IDO2: variants seen among roughly 807,000 people sequenced by gnomAD.
IDO2 encodes indoleamine 2,3-dioxygenase-like 1 protein.
In IDO2, 46 loss-of-function variants were observed where a neutral mutation model predicts 45.1. That is an observed-to-expected ratio of 1.02 (90% CI 0.80 to 1.30). The LOEUF (loss-of-function observed/expected upper bound fraction) is 1.30, where lower values mean the gene tolerates loss of function less well. Among genes scored for constraint, IDO2 ranks in the 50% most tolerant of loss-of-function variants. The pLI, the probability that IDO2 is intolerant of heterozygous loss-of-function variation, is 0.00. For synonymous variants in IDO2, 218 were observed against 184.9 expected (o/e 1.18, Z -1.45); for missense variants, 544 against 491.8 (o/e 1.11, Z -1.00).
At chr8:40,003,771 G>T (rs1249657229) in intron 8 of IDO2, among the ~76,000 whole-genome samples, 1 of 151,986 alleles carries the variant, frequency 6.6e-6, no homozygotes. Flanking sequence ...TTCTAACACA[G>T]TATTGAGTGG....
At chr8:39,982,626 T>G (rs759844479) in intron 4 of IDO2, 26 bp from the exon 5 acceptor site, 6 of 1,425,856 alleles carry the variant, frequency 4.2e-6, no homozygotes, top group Non-Finnish European at 5.9e-6. Flanking sequence ...TAGAATATGC[T>G]ATTTGTCTGG....
intron 8 of IDO2, among the ~76,000 whole-genome samples, chr8:40,004,272 T>C (rs1047216018): frequency 2.0e-5 from 3 of 152,128 alleles, no homozygotes; most frequent in Non-Finnish European, 4.4e-5. Flanking sequence ...CCCAGGCTCA[T>C]GGACACTTCA....
chr8:39,940,833 C>A (rs1807631285), intron 1 of IDO2, among the ~76,000 whole-genome samples: 1 of 151,522 alleles, frequency 6.6e-6, no homozygotes, highest in African/African-American at 2.4e-5. Context: ...TGTCAATTAC[C>A]CTGATTTGAT....
chr8:39,945,023 T>A (rs1807709098), intron 1 of IDO2, among the ~76,000 whole-genome samples: 2 of 152,206 alleles, frequency 1.3e-5, no homozygotes, highest in African/African-American at 4.8e-5. Flanking sequence ...TGCTAATAAT[T>A]AATAGAGTGA....
intron 1 of IDO2, among the ~76,000 whole-genome samples, chr8:39,937,267 T>C (rs1008878516): frequency 1.4e-4 from 22 of 152,204 alleles, no homozygotes; most frequent in Non-Finnish European, 8.8e-5. Flanking sequence ...AACAGTTATG[T>C]TTCACAGAAA....
intron 3 of IDO2, among the ~76,000 whole-genome samples, chr8:39,965,515 T>TATAC (rs1484820478): frequency 3.3e-5 from 5 of 151,534 alleles, no homozygotes; most frequent in Non-Finnish European, 7.4e-5. Context: ...AACAAACAAA[T>TATAC]ATATATATAT....
At chr8:40,007,600 G>T (rs2981145) in intron 9 of IDO2, among the ~76,000 whole-genome samples, 13,028 of 152,204 alleles carry the variant, frequency 0.086, 650 homozygotes, top group Middle Eastern at 0.15. Context: ...CACATAGCAG[G>T]CTTATACTAT....
intron 1 of IDO2, among the ~76,000 whole-genome samples, chr8:39,945,561 G>A (rs967639751): frequency 2.6e-5 from 4 of 152,212 alleles, no homozygotes; most frequent in African/African-American, 9.6e-5. Flanking sequence ...ACCAGGGGTA[G>A]AGGAGACTTT....
At chr8:39,983,167 T>G (rs908997878) in intron 5 of IDO2, among the ~76,000 whole-genome samples, 1 of 152,228 alleles carries the variant, frequency 6.6e-6, no homozygotes, top group Admixed American at 6.5e-5. Context: ...ATGGATGAAT[T>G]CAGAGCAGAT....
chr8:39,955,875 G>A (rs529919653), intron 2 of IDO2, among the ~76,000 whole-genome samples: 55 of 152,140 alleles, frequency 3.6e-4, no homozygotes, highest in African/African-American at 1.2e-3. Flanking sequence ...ACATTAAAAC[G>A]TAACCATAGC....
At chr8:40,012,882 TC>T (rs1249198227) in intron 9 of IDO2, among the ~76,000 whole-genome samples, 5 of 152,214 alleles carry the variant, frequency 3.3e-5, no homozygotes, top group African/African-American at 1.2e-4. Context: ...ACTCTGTGCT[TC>T]CTGCTGTTAC....
intron 3 of IDO2, among the ~76,000 whole-genome samples, chr8:39,978,227 A>C (rs1427155328): frequency 6.6e-6 from 1 of 152,170 alleles, no homozygotes; most frequent in Non-Finnish European, 1.5e-5. Flanking sequence ...CTGGAGATTA[A>C]AAGGACAACA....
At chr8:39,960,701 C>T (rs1807979494) in intron 2 of IDO2, among the ~76,000 whole-genome samples, 1 of 152,192 alleles carries the variant, frequency 6.6e-6, no homozygotes, top group Admixed American at 6.5e-5. Flanking sequence ...AGAGGTCAAT[C>T]TTACTTTAAC....
chr8:39,989,897 G>A (rs1025734036), intron 8 of IDO2, 59 bp downstream of exon 8: 2 of 1,158,736 alleles, frequency 1.7e-6, no homozygotes, highest in Non-Finnish European at 2.5e-6. Flanking sequence ...CTGCTTAGGG[G>A]AAGAGGGCCT....
At chr8:39,950,438 A>G (rs1171608148) in intron 2 of IDO2, among the ~76,000 whole-genome samples, 4 of 152,190 alleles carry the variant, frequency 2.6e-5, no homozygotes, top group Non-Finnish European at 4.4e-5. Context: ...AGGCTGAGGC[A>G]GGAGAATCCT....
At chr8:39,978,861 A>G (rs994224754) in intron 3 of IDO2, among the ~76,000 whole-genome samples, 2 of 152,120 alleles carry the variant, frequency 1.3e-5, no homozygotes, top group African/African-American at 4.8e-5. Context: ...CTTCCTGAGC[A>G]AAGTCGTGTG....
chr8:39,948,031 G>C (rs1807764784), intron 1 of IDO2, among the ~76,000 whole-genome samples: 1 of 151,042 alleles, frequency 6.6e-6, no homozygotes, highest in African/African-American at 2.4e-5. Context: ...TGATCCGCCT[G>C]CCTTGGCCTT....
chr8:40,015,781 A>C, exon 11 of IDO2: 1 of 593,662 alleles, frequency 1.7e-6, no homozygotes, highest in Non-Finnish European at 3.0e-6. Flanking sequence ...AGGAGAGTTG[A>C]TGTGGCCAAG....
At chr8:40,004,545 A>AGATAGATAGAT (rs1263284318) in intron 8 of IDO2, among the ~76,000 whole-genome samples, 3 of 151,760 alleles carry the variant, frequency 2.0e-5, no homozygotes, top group Non-Finnish European at 4.4e-5. Flanking sequence ...ATAGATAGAT[A>AGATAGATAGAT]GATAGATAGA....
Sources: allele counts gnomAD v4.1 joint callset (sites outside exome capture counted in the v4.1 genomes callset), GRCh38; gene constraint gnomAD v4.1.1; transcripts MANE v1.5; gene names NCBI Gene and HGNC (gene_info 2026-07-23, HGNC 2026-07-21).